SERP2: variants seen among roughly 807,000 people sequenced by gnomAD.
SERP2 encodes the protein stress associated endoplasmic reticulum protein family member 2.
SERP2 carries 6 observed loss-of-function variants against 9.1 expected under a neutral mutation model. That is an observed-to-expected ratio of 0.66 (90% CI 0.36 to 1.30). The LOEUF is 1.30. SERP2 is among the 50% of genes most tolerant of loss of function. SERP2 has a pLI of 0.03. For missense variants in SERP2, 58 were observed against 81.9 expected (o/e 0.71, Z 1.13); for synonymous variants, 37 against 27.3 (o/e 1.35, Z -1.10).
chr13:44,396,505 G>A (rs911410822), intron 2 of SERP2, among the ~76,000 whole-genome samples: 19 of 151,010 alleles, frequency 1.3e-4, no homozygotes, highest in African/African-American at 4.1e-4. Context: ...TGTCAACACT[G>A]ACCACGGTTG....
chr13:44,389,235 G>T (rs1250613591), intron 2 of SERP2, among the ~76,000 whole-genome samples: 1 of 152,184 alleles, frequency 6.6e-6, no homozygotes, highest in Non-Finnish European at 1.5e-5. Context: ...TAACATGGTT[G>T]CTAAGAGCTA....
rs1168228493 is a variant in SERP2 at position 44,373,929 on chromosome 13, G to C, written c.-97G>C. 1 of 1,169,704 alleles carries C rather than the reference G, an allele frequency of 8.5e-7. No individual in the cohort carries two copies. The highest frequency in any genetic ancestry group is 1.6e-5 in the African/African-American group (1 of 61,976). 72.5% of individuals were successfully genotyped at this position (1,169,704 alleles called of 1,614,324 possible). ...GCCTTGCCACCTGCAGCGCCCGGGT[G>C]GGCCGCGGGGGCCTCGGCGGGACGC... On this transcript the variant is annotated 5_prime_UTR_variant, in exon 1 of 3. Transcript: ENST00000379179. The surrounding 1 kb of genome is among the most constrained non-coding windows in gnomAD (Gnocchi z 4.8).
intron 1 of SERP2, 89 bp from the exon 2 acceptor site, chr13:44,379,552 C>T (rs1478327206): frequency 1.1e-6 from 1 of 930,278 alleles, no homozygotes; most frequent in African/African-American, 1.6e-5. Flanking sequence ...CAGTAGAATC[C>T]CCAGCACCTA....
At chr13:44,380,247 G>A (rs1158423101) in intron 2 of SERP2, among the ~76,000 whole-genome samples, 1 of 152,212 alleles carries the variant, frequency 6.6e-6, no homozygotes, top group Non-Finnish European at 1.5e-5. Flanking sequence ...CAGGGAAGAT[G>A]AGCAGAAGCA....
At chr13:44,395,099 C>A (rs545051060) in intron 2 of SERP2, among the ~76,000 whole-genome samples, 1 of 152,234 alleles carries the variant, frequency 6.6e-6, no homozygotes, top group African/African-American at 2.4e-5. Flanking sequence ...TCCCTGATCA[C>A]AAGAACAAAG....
At chr13:44,396,814 C>CCGT (rs1873134339) in intron 2 of SERP2, among the ~76,000 whole-genome samples, 1 of 152,232 alleles carries the variant, frequency 6.6e-6, no homozygotes, top group Non-Finnish European at 1.5e-5. Flanking sequence ...AGGCCGGGCC[C>CCGT]CGTGGGCTGC....
intron 2 of SERP2, among the ~76,000 whole-genome samples, chr13:44,394,314 G>A (rs1027782436): frequency 4.9e-4 from 75 of 152,102 alleles, no homozygotes; most frequent in African/African-American, 1.6e-3. Flanking sequence ...TAGTGGAGAC[G>A]GGATTTCACC....
chr13:44,383,572 A>G (rs1555259002), intron 2 of SERP2, among the ~76,000 whole-genome samples: 1 of 126,300 alleles, frequency 7.9e-6, no homozygotes, highest in Non-Finnish European at 1.6e-5. Flanking sequence ...TTTTTGAGAC[A>G]GAGTCTCGTT....
At chr13:44,385,974 TG>T (rs1367170073) in intron 2 of SERP2, among the ~76,000 whole-genome samples, 1 of 152,168 alleles carries the variant, frequency 6.6e-6, no homozygotes, top group Non-Finnish European at 1.5e-5. Flanking sequence ...CCCGGCTGCA[TG>T]TTCAGTTGCA....
chr13:44,389,859 T>C (rs559685277), intron 2 of SERP2, among the ~76,000 whole-genome samples: 1 of 152,208 alleles, frequency 6.6e-6, no homozygotes, highest in East Asian at 1.9e-4. Flanking sequence ...GACTGACTAC[T>C]TGTAATGCCA....
At chr13:44,381,656 A>AG (rs1871986881) in intron 2 of SERP2, among the ~76,000 whole-genome samples, 1 of 152,168 alleles carries the variant, frequency 6.6e-6, no homozygotes, top group Non-Finnish European at 1.5e-5. Flanking sequence ...TGCCTCTATT[A>AG]ATGTGACCCA....
chr13:44,391,860 A>C (rs1424349981), intron 2 of SERP2, among the ~76,000 whole-genome samples: 2 of 152,074 alleles, frequency 1.3e-5, no homozygotes, highest in Non-Finnish European at 2.9e-5. Context: ...TTGATGAAGG[A>C]AACTAGGGAA....
chr13:44,377,039 A>G lies in SERP2; in HGVS notation c.85-2602A>G, dbSNP rs145021748. On this transcript the variant is annotated intron_variant, in intron 1 of 2. Transcript: ENST00000379179. ...AGTAAGGTTTATGTGAATTGTCCCA[A>G]TGGGATTGTGCTGGGCACCCCTTCT... Among the ~76,000 whole-genome samples, 890 of 152,248 alleles carry G rather than the reference A, an allele frequency of 5.8e-3. 9 individuals are homozygous for G. Among genetic ancestry groups the G allele is most frequent in the African/African-American group, 0.02 (813 of 41,542 alleles).
At chr13:44,381,461 G>A (rs1224287450) in intron 2 of SERP2, among the ~76,000 whole-genome samples, 1 of 152,158 alleles carries the variant, frequency 6.6e-6, no homozygotes, top group Non-Finnish European at 1.5e-5. Flanking sequence ...AGAATCACTT[G>A]AACTGCAGAG....
At chr13:44,374,263 A>T (rs1871503553) in intron 1 of SERP2, among the ~76,000 whole-genome samples, 154 bp downstream of exon 1, 2 of 152,058 alleles carry the variant, frequency 1.3e-5, no homozygotes, top group Non-Finnish European at 2.9e-5. Context: ...GGGGGCTGAG[A>T]GCTGGGTTCA....
rs112761748 is a variant in SERP2 at position 44,381,308 on chromosome 13, G to A, written c.157+1595G>A. Among the ~76,000 whole-genome samples the A allele has an allele frequency of 9.6e-4, 145 of 151,204 alleles. 1 individual carries two copies. The highest frequency in any genetic ancestry group is 1.9e-3 in the Admixed American group (29 of 15,190). On this transcript the variant is annotated intron_variant, in intron 2 of 2. Coordinates refer to ENST00000379179, the MANE Select transcript of SERP2 (RefSeq NM_001010897.3). Reference sequence around the variant, plus strand: ...TGTAATCCCAGCACTTTGGGAGGCCGAGGTGGGGAGGATCACAAGGTCTGG... The same window carrying A: ...TGTAATCCCAGCACTTTGGGAGGCCAAGGTGGGGAGGATCACAAGGTCTGG...
At chr13:44,379,277 T>C (rs1336510126) in intron 1 of SERP2, among the ~76,000 whole-genome samples, 1 of 152,226 alleles carries the variant, frequency 6.6e-6, no homozygotes, top group African/African-American at 2.4e-5. Context: ...GAATGCAGAC[T>C]GCCTAGTGTA....
intron 2 of SERP2, among the ~76,000 whole-genome samples, chr13:44,392,223 T>TGAGAGCAG: frequency 3.7e-5 from 1 of 27,252 alleles, no homozygotes; most frequent in Admixed American, 3.9e-4. Context: ...AGCCCTGTGG[T>TGAGAGCAG]GAGAGCAGGA....
intron 2 of SERP2, among the ~76,000 whole-genome samples, chr13:44,387,322 C>T (rs1408812455): frequency 1.3e-5 from 2 of 152,166 alleles, no homozygotes; most frequent in Non-Finnish European, 2.9e-5. Context: ...GAAGGACTCC[C>T]GGGCTATACC....
Sources: gnomAD v4.1 joint callset for allele counts (sites outside exome capture counted in the v4.1 genomes callset) on GRCh38, gnomAD v4.1.1 for gene constraint, Gnocchi (gnomAD v3.1) non-coding constraint, MANE v1.5 for transcripts, NCBI Gene and HGNC (gene_info 2026-07-23, HGNC 2026-07-21) for gene names.